Variants in NALF2 observed in about 807,000 individuals in gnomAD.
The protein encoded by NALF2 is NALCN channel auxiliary factor 2, also known as bB57D9.1 (TED protein).
In NALF2, 1 loss-of-function variant was observed where a neutral mutation model predicts 24.8. That is an observed-to-expected ratio of 0.04 (90% CI 0.01 to 0.19). The LOEUF (loss-of-function observed/expected upper bound fraction) is 0.19, where lower values mean the gene tolerates loss of function less well. Ranked by LOEUF, NALF2 falls within the 10% of genes least tolerant of loss-of-function variation. NALF2 has a pLI of 1.00. For synonymous variants in NALF2, 254 were observed against 189.8 expected, an observed-to-expected ratio of 1.34 and a Z score of -2.78; for missense variants, 458 against 409.6, an observed-to-expected ratio of 1.12 and a Z score of -1.02.
At chrX:69,523,638 C>G (rs1930762843) in intron 1 of NALF2, among the ~76,000 whole-genome samples, 1 of 112,213 alleles carries the variant, frequency 8.9e-6, no homozygotes, top group Non-Finnish European at 1.9e-5. Flanking sequence ...CTTGATTGAG[C>G]CCAGCAGTGG....
At position 69,505,417 on chromosome X, in the gene NALF2, G is replaced by A. The variant is rs1264587674; in HGVS notation, c.135G>A (p.Leu45=). The stretch of plus-strand genomic sequence containing the variant: ...CCGAGCGGGCGCAGCGATGGCGACT[G>A]TCCCTGGCGTCCCTGCTCTTCTTCA... ...ADSERAQRWR[L]SLASLLFFTV... is the part of the protein sequence containing the mutation. Residue 45 remains leucine (L), a synonymous_variant, in exon 1 of 3, where the codon CTG becomes CTA. Coordinates refer to ENST00000252338, the MANE Select transcript of NALF2 (RefSeq NM_015686.3). 8.7e-7 allele frequency: 1 copy of A among 1,154,149 alleles called. No homozygotes were observed. Among genetic ancestry groups the A allele is most frequent in the African/African-American group, 1.8e-5 (1 of 55,490 alleles).
intron 1 of NALF2, among the ~76,000 whole-genome samples, chrX:69,519,257 G>A (rs907287901): frequency 8.1e-5 from 9 of 111,334 alleles, no homozygotes; most frequent in Non-Finnish European, 1.3e-4. Context: ...TTTCCTTGGA[G>A]CTCTCCACCT....
intron 1 of NALF2, among the ~76,000 whole-genome samples, chrX:69,518,078 C>T (rs1051210013): frequency 2.8e-4 from 31 of 112,318 alleles, no homozygotes; most frequent in African/African-American, 9.4e-4. Context: ...CCATTGTGCA[C>T]AGAAGCTCCC....
At chrX:69,507,913 T>C (rs73634193) in intron 1 of NALF2, among the ~76,000 whole-genome samples, 1,375 of 111,444 alleles carry the variant, frequency 0.012, 25 homozygotes, top group African/African-American at 0.042. Context: ...TTTCTCCGTG[T>C]TGTAGTTGAC....
rs775270963 is a variant in NALF2, at chrX:69,506,023, C to T, written c.741C>T (p.Ile247=). The part of the protein sequence containing the change: ...SGAWEACSNC[I]EAYQRLDRHA... Reference sequence around the variant, plus strand: ...CCTGGGAGGCGTGTAGCAACTGTATCGAGGCGTACCAGCGGCTGGACCGAC... The same window carrying T: ...CCTGGGAGGCGTGTAGCAACTGTATTGAGGCGTACCAGCGGCTGGACCGAC... Residue 247 remains isoleucine, a synonymous_variant, in exon 1 of 3, where the codon ATC becomes ATT. Transcript: ENST00000252338. 1.7e-6 allele frequency: 2 copies of T among 1,209,374 alleles called. No individual in the cohort carries two copies.
In NALF2 at chrX:69,505,576, G is replaced by T. The variant is rs779861018; in HGVS notation, c.294G>T (p.Pro98=). The part of the protein sequence containing the change: ...RQPVPPRAVL[P]LPPPPPGEPS... ...CGGTGCCTCCTCGCGCGGTGCTGCC[G>T]CTGCCGCCGCCGCCGCCCGGCGAGC... The change falls in exon 1 of 3, where the codon CCG becomes CCT. Residue 98 remains proline (P), a synonymous_variant. Transcript: ENST00000252338. The T allele has an allele frequency of 9.9e-6, 10 of 1,009,864 alleles. No homozygotes were observed. Among genetic ancestry groups the T allele is most frequent in the Non-Finnish European group, 1.2e-5 (10 of 806,408 alleles). 83.2% of individuals were successfully genotyped at this position (1,009,864 alleles called of 1,213,427 possible).
chrX:69,513,393 C>G (rs183344707), intron 1 of NALF2, among the ~76,000 whole-genome samples: 2 of 112,403 alleles, frequency 1.8e-5, no homozygotes, highest in East Asian at 5.6e-4. Flanking sequence ...TTTTGGTGAG[C>G]CCCTAAACTT....
intron 1 of NALF2, among the ~76,000 whole-genome samples, chrX:69,524,303 G>A (rs1156730717): frequency 9.1e-6 from 1 of 109,914 alleles, no homozygotes; most frequent in African/African-American, 3.3e-5. Flanking sequence ...TGTTGTCCAG[G>A]CTGGTCTAGG....
rs41305385 is a variant in NALF2 at position 69,530,624 on chromosome X, C to G, written c.*668C>G. On this transcript the variant is annotated 3_prime_UTR_variant, in exon 3 of 3. Transcript: ENST00000252338. ...TGAATGGTGAAAGAGAGTGGAGATA[C>G]GGAAGGGGGAGAGGAGAGGAGAAAT... The G allele has an allele frequency of 0.043, 4,790 of 112,130 alleles. 109 individuals are homozygous for G. The highest frequency in any genetic ancestry group is 0.1 in the Middle Eastern group (22 of 215). 9.2% of individuals were successfully genotyped at this position (112,130 alleles called of 1,213,427 possible).
chrX:69,505,497 G>A lies in NALF2; in HGVS notation c.215G>A (p.Arg72Lys), dbSNP rs1490668972. 1 of 1,080,475 alleles carries A rather than the reference G, an allele frequency of 9.3e-7. No individual in the cohort carries two copies. Among genetic ancestry groups the A allele is most frequent in the Non-Finnish European group, 1.2e-6 (1 of 836,638 alleles). 89.0% of individuals were successfully genotyped at this position (1,080,475 alleles called of 1,213,427 possible). ...TGCGCGGGGGCCCGGCCCCGGGCCA[G>A]GGAGCTGAGCAGCGCCATGCGGCCC... ...WLCAGARPRARELSSAMRPPW... is the reference protein window; with the variant it reads ...WLCAGARPRAKELSSAMRPPW... Residue 72 changes from arginine to lysine, a missense_variant, in exon 1 of 3, where the codon AGG becomes AAG. Transcript: ENST00000252338.
At chrX:69,515,973 G>A (rs1041176095) in intron 1 of NALF2, among the ~76,000 whole-genome samples, 8 of 112,437 alleles carry the variant, frequency 7.1e-5, no homozygotes, top group African/African-American at 2.6e-4. Context: ...AGTTGGAGCT[G>A]GGATTTGAAT....
At chrX:69,512,078 A>G (rs1290081147) in intron 1 of NALF2, among the ~76,000 whole-genome samples, 1 of 111,731 alleles carries the variant, frequency 9.0e-6, no homozygotes, top group Non-Finnish European at 1.9e-5. Context: ...TTTCTCAGCC[A>G]CATGTGGATT....
intron 1 of NALF2, among the ~76,000 whole-genome samples, chrX:69,518,549 G>A (rs1483026236): frequency 9.1e-6 from 1 of 109,865 alleles, no homozygotes; most frequent in African/African-American, 3.3e-5. Context: ...TGCTAATATT[G>A]CTATTTCTTG....
Position 69,505,532 on chromosome X carries a change from G to C in NALF2, c.250G>C (p.Ala84Pro), listed in dbSNP as rs887008201. 1.7e-5 allele frequency: 16 copies of C among 961,534 alleles called. No homozygotes were observed. The African/African-American group carries it at 3.3e-4, about 20-fold the overall frequency. The allele number at this position is 961,534 out of a possible 1,213,427, so 79.2% of individuals were successfully genotyped here. ...LSSAMRPPWGAGRERQPVPPR... is the reference protein window; with the variant it reads ...LSSAMRPPWGPGRERQPVPPR... ...CAGCGCCATGCGGCCCCCATGGGGG[G>C]CCGGCCGGGAGCGGCAGCCGGTGCC... The change falls in exon 1 of 3, where the codon GCC becomes CCC. Residue 84 changes from alanine to proline, a missense_variant. Coordinates refer to ENST00000252338, the MANE Select transcript of NALF2 (RefSeq NM_015686.3).
intron 1 of NALF2, among the ~76,000 whole-genome samples, chrX:69,507,059 C>T (rs1042508591): frequency 1.8e-5 from 2 of 111,852 alleles, no homozygotes; most frequent in African/African-American, 3.3e-5. Context: ...CTGCCCTGCT[C>T]GCCCAGCCTG....
chrX:69,524,644 C>G (rs200913633), intron 1 of NALF2, among the ~76,000 whole-genome samples: 3 of 109,657 alleles, frequency 2.7e-5, no homozygotes, highest in Non-Finnish European at 3.8e-5. Flanking sequence ...CAACCTCCCC[C>G]GTCAACCCCT....
chrX:69,516,782 ATC>A (rs1431058751), intron 1 of NALF2, among the ~76,000 whole-genome samples: 1 of 111,446 alleles, frequency 9.0e-6, no homozygotes, highest in Admixed American at 9.5e-5. Context: ...TAACACCTCC[ATC>A]TCTCAGGGTG....
At position 69,504,952 on chromosome X, in the gene NALF2, T is replaced by A. The variant is rs1249119641; in HGVS notation, c.-331T>A. On this transcript the variant is annotated 5_prime_UTR_variant, in exon 1 of 3. Coordinates refer to ENST00000252338, the MANE Select transcript of NALF2 (RefSeq NM_015686.3). ...CGAGGGCAGCTGAGGGGCCCGACAC[T>A]ATGAGGAGTGCGGCGCCGCCGCCGC... Among the ~76,000 whole-genome samples the A allele has an allele frequency of 3.8e-5, 4 of 105,946 alleles. No individual in the cohort carries two copies. The highest frequency in any genetic ancestry group is 7.9e-4 in the South Asian group (2 of 2,542). The allele number at this position is 105,946 out of a possible 115,157, so 92.0% of individuals were successfully genotyped here.
chrX:69,505,758 C>T lies in NALF2; in HGVS notation c.476C>T (p.Pro159Leu), dbSNP rs147875150. The T allele has an allele frequency of 3.0e-4, 357 of 1,209,831 alleles. 1 individual carries two copies. The African/African-American group carries it at 4.2e-3, about 14-fold the overall frequency. ...KLQSLQRLFE[P>L]TTPAPPLRPP... ...CAATCTTTGCAGAGACTTTTCGAACCGACTACTCCGGCCCCCCCTCTGCGG... is the reference window on the plus strand; with the variant it reads ...CAATCTTTGCAGAGACTTTTCGAACTGACTACTCCGGCCCCCCCTCTGCGG... Residue 159 changes from proline (P) to leucine (L), a missense_variant, in exon 1 of 3, where the codon CCG becomes CTG. Transcript: ENST00000252338.
Sources: gnomAD v4.1 joint callset for allele counts (sites outside exome capture counted in the v4.1 genomes callset) on GRCh38, gnomAD v4.1.1 for gene constraint, MANE v1.5 for transcripts, NCBI Gene and HGNC (gene_info 2026-07-23, HGNC 2026-07-21) for gene names.